Variants in ARID2 observed in about 807,000 individuals in gnomAD.
ARID2 encodes AT-rich interaction domain 2.
Under a neutral mutation model 184.6 loss-of-function variants are expected in ARID2, and 32 were observed. The observed-to-expected ratio is 0.17, with a 90% confidence interval of 0.13 to 0.23. The LOEUF (loss-of-function observed/expected upper bound fraction) is 0.23. Among genes scored for constraint, ARID2 ranks in the 10% least tolerant of loss-of-function variants. The pLI is 1.00. For missense variants in ARID2, 1,696 were observed against 2,197.6 expected, an observed-to-expected ratio of 0.77 and a Z score of 4.56; for synonymous variants, 836 against 772.6, an observed-to-expected ratio of 1.08 and a Z score of -1.36.
chr12:45,893,246 G>T (rs1182702094), intron 18 of ARID2, among the ~76,000 whole-genome samples, 174 bp from the exon 19 acceptor site: 1 of 152,156 alleles, frequency 6.6e-6, no homozygotes, highest in Non-Finnish European at 1.5e-5. Context: ...GCGCCCCTTT[G>T]CCTAGGCTGT....
chr12:45,901,577 C>T (rs979627552), intron 20 of ARID2, among the ~76,000 whole-genome samples: 4 of 152,072 alleles, frequency 2.6e-5, no homozygotes, highest in African/African-American at 9.7e-5. Context: ...ATATTAACAC[C>T]TCTACTTTTG....
chr12:45,763,468 TC>T (rs1941717806), intron 3 of ARID2, among the ~76,000 whole-genome samples: 1 of 146,170 alleles, frequency 6.8e-6, no homozygotes. Context: ...AGACTCAGAC[TC>T]AAAAAAAAAA....
chr12:45,781,886 A>G (rs945562866), intron 3 of ARID2, among the ~76,000 whole-genome samples: 4 of 152,202 alleles, frequency 2.6e-5, no homozygotes, highest in African/African-American at 9.6e-5. Context: ...GAATCCTTTT[A>G]TGGTACAGTA....
chr12:45,838,703 GC>G (rs1483349543), intron 10 of ARID2, among the ~76,000 whole-genome samples: 1 of 151,934 alleles, frequency 6.6e-6, no homozygotes, highest in Non-Finnish European at 1.5e-5. Flanking sequence ...GGAGGTTGAG[GC>G]TGCAGTGAGC....
chr12:45,766,972 A>G (rs1198179463), intron 3 of ARID2, among the ~76,000 whole-genome samples: 4 of 152,064 alleles, frequency 2.6e-5, no homozygotes, highest in Non-Finnish European at 5.9e-5. Context: ...CTGTCTCAAA[A>G]CAAAACAAAA....
At position 45,893,271 on chromosome 12, in the gene ARID2, G is replaced by A. The variant is rs867613982; in HGVS notation, c.5148-149G>A. The A allele has an allele frequency of 5.8e-5, 51 of 886,850 alleles. No individual in the cohort carries two copies. In the Middle Eastern group the frequency reaches 3.2e-3, roughly 56 times the overall value. 54.9% of individuals were successfully genotyped at this position (886,850 alleles called of 1,614,324 possible). A position where few individuals can be genotyped will look rare whatever the true frequency, so the allele number is the denominator to read the frequency against. On this transcript the variant is annotated intron_variant, in intron 18 of 20. Transcript: ENST00000334344. ...GCCTAGGCTGTCACAGAGCATAAAC[G>A]TTAATGCTAGACCATTGGACCTTTA...
At chr12:45,769,679 T>A (rs892703133) in intron 3 of ARID2, among the ~76,000 whole-genome samples, 2 of 152,212 alleles carry the variant, frequency 1.3e-5, no homozygotes, top group African/African-American at 4.8e-5. Flanking sequence ...TGAAAAACAT[T>A]AATCTATATG....
chr12:45,810,212 C>T (rs186665382), intron 3 of ARID2, among the ~76,000 whole-genome samples: 17 of 152,264 alleles, frequency 1.1e-4, no homozygotes, highest in Non-Finnish European at 2.1e-4. Context: ...GACATGGTTT[C>T]GACCAGTTGT....
intron 16 of ARID2, among the ~76,000 whole-genome samples, chr12:45,878,320 C>A (rs1944044508): frequency 6.6e-6 from 1 of 151,946 alleles, no homozygotes; most frequent in Non-Finnish European, 1.5e-5. Flanking sequence ...TTTTTGTGTT[C>A]TTTCTCTTTT....
At chr12:45,730,488 C>A (rs968851605) in intron 2 of ARID2, among the ~76,000 whole-genome samples, 3 of 150,496 alleles carry the variant, frequency 2.0e-5, no homozygotes, top group Non-Finnish European at 4.4e-5. Flanking sequence ...GCCGCCCGCC[C>A]GCTCGCTCGC....
intron 8 of ARID2, 88 bp from the exon 9 acceptor site, chr12:45,837,233 G>A (rs1943237295): frequency 1.6e-6 from 2 of 1,229,796 alleles, no homozygotes; most frequent in African/African-American, 1.5e-5. Flanking sequence ...ATGCAACATT[G>A]TCCTGTTTAT....
chr12:45,824,758 A>G (rs945893985), intron 6 of ARID2, among the ~76,000 whole-genome samples: 10 of 152,070 alleles, frequency 6.6e-5, no homozygotes, highest in African/African-American at 2.4e-4. Flanking sequence ...AGTATATCAA[A>G]GGAATACCTG....
At chr12:45,792,264 G>A (rs1279956618) in intron 3 of ARID2, among the ~76,000 whole-genome samples, 1 of 152,094 alleles carries the variant, frequency 6.6e-6, no homozygotes, top group Non-Finnish European at 1.5e-5. Context: ...AGGTTAAAAT[G>A]TTTTCCTACT....
intron 3 of ARID2, among the ~76,000 whole-genome samples, chr12:45,768,652 A>G (rs770434593): frequency 2.6e-5 from 4 of 152,208 alleles, no homozygotes; most frequent in Non-Finnish European, 4.4e-5. Context: ...TGGTAGGTGC[A>G]GTGGAGATAA....
chr12:45,833,884 G>T (rs1337982037), intron 6 of ARID2, among the ~76,000 whole-genome samples: 2 of 152,166 alleles, frequency 1.3e-5, no homozygotes, highest in African/African-American at 2.4e-5. Context: ...CAAAGTATAT[G>T]TATGTAGATT....
At chr12:45,863,026 G>T (rs562277755) in intron 16 of ARID2, among the ~76,000 whole-genome samples, 1 of 152,238 alleles carries the variant, frequency 6.6e-6, no homozygotes, top group East Asian at 1.9e-4. Flanking sequence ...TCCCAGTCCT[G>T]AGGGACACAG....
At chr12:45,812,072 G>A (rs1270039986) in intron 4 of ARID2, among the ~76,000 whole-genome samples, 12 of 151,744 alleles carry the variant, frequency 7.9e-5, no homozygotes, top group Admixed American at 5.9e-4. Flanking sequence ...AAATCAGCGC[G>A]AGTGTTGATA....
chr12:45,729,856 A>G lies in ARID2; in HGVS notation c.20A>G (p.Lys7Arg), dbSNP rs1940937873. 1 of 1,611,134 alleles carries G rather than the reference A, an allele frequency of 6.2e-7. No individual in the cohort carries two copies. The highest frequency in any genetic ancestry group is 8.5e-7 in the Non-Finnish European group (1 of 1,178,980). The change falls in exon 1 of 21, where the codon AAG (lysine) becomes AGG (arginine). Residue 7 changes from lysine (K) to arginine (R), a missense_variant. By Grantham distance (26) the Lys-to-Arg change is conservative. This residue lies in a region of ARID2 where 54 missense variants were observed against 59.9 expected (regional missense o/e 0.90). Transcript: ENST00000334344. ...AAAATAATGGCAAACTCGACGGGGAAGGCGCCTCCGGACGAGCGGAGAAAG... is the reference window on the plus strand; with the variant it reads ...AAAATAATGGCAAACTCGACGGGGAGGGCGCCTCCGGACGAGCGGAGAAAG... MANSTG[K>R]APPDERRKGL...
At chr12:45,746,215 ATCC>A (rs1239940224) in intron 3 of ARID2, among the ~76,000 whole-genome samples, 1 of 127,692 alleles carries the variant, frequency 7.8e-6, no homozygotes, top group African/African-American at 5.3e-5. Context: ...GGCTTAAGAG[ATCC>A]TCCTACTTCA....
Sources: allele counts gnomAD v4.1 joint callset (sites outside exome capture counted in the v4.1 genomes callset), GRCh38; gene constraint gnomAD v4.1.1; regional missense constraint gnomAD v4.1.1; transcripts MANE v1.5; gene names NCBI Gene and HGNC (gene_info 2026-07-23, HGNC 2026-07-21).